The following SMOC1 variants were observed in gnomAD, a reference collection of about 807,000 sequenced individuals.
The protein encoded by SMOC1 is SPARC-related modular calcium-binding protein 1.
A neutral mutation model predicts 56.3 loss-of-function variants in SMOC1; 22 were observed. The ratio of observed to expected loss-of-function variants is 0.39; its 90% confidence interval spans 0.28 to 0.56. The LOEUF (loss-of-function observed/expected upper bound fraction) is 0.56. SMOC1 is among the 20% of genes least tolerant of loss of function. The pLI is 0.61. For missense variants in SMOC1, 509 were observed against 565.4 expected (o/e 0.90, Z 1.01); for synonymous variants, 193 against 215.0 (o/e 0.90, Z 0.89).
At chr14:69,980,027 C>T (rs541738874) in intron 5 of SMOC1, among the ~76,000 whole-genome samples, 1 of 152,186 alleles carries the variant, frequency 6.6e-6, no homozygotes, top group Non-Finnish European at 1.5e-5. Context: ...CAGACAGACC[C>T]ATGGTCATCC....
At chr14:70,010,218 G>A (rs979586585) in intron 7 of SMOC1, among the ~76,000 whole-genome samples, 5 of 152,224 alleles carry the variant, frequency 3.3e-5, no homozygotes, top group African/African-American at 1.2e-4. Flanking sequence ...AGAAGCCAAG[G>A]CTGGACCTTG....
intron 1 of SMOC1, among the ~76,000 whole-genome samples, chr14:69,943,210 T>C (rs1882638447): frequency 1.3e-5 from 2 of 152,172 alleles, no homozygotes; most frequent in South Asian, 4.1e-4. Context: ...TAATCGGGCA[T>C]GCTGCTGTCA....
In SMOC1 at chr14:69,952,279, G is replaced by A. The variant is rs752951447; in HGVS notation, c.241G>A (p.Val81Met). The A allele has an allele frequency of 3.3e-5, 53 of 1,614,058 alleles. No homozygotes were observed. The highest frequency in any genetic ancestry group is 1.2e-4 in the Admixed American group (7 of 60,008). Residue 81 changes from valine (V) to methionine (M), a missense_variant, in exon 2 of 12, where the codon GTG becomes ATG. By Grantham distance (21) the Val-to-Met change is conservative (BLOSUM62 1). Around this residue, in one of 3 missense-constraint regions of SMOC1, gnomAD observed 315 missense variants for 333.1 expected, o/e 0.95. Transcript: ENST00000361956. ...RAKCRDPTLG[V>M]VHRGRCKDAG... is the part of the protein sequence containing the mutation. Reference sequence around the variant, plus strand: ...CAAGTGCCGAGACCCGACCCTGGGCGTGGTGCATCGAGGTAGATGCAAAGG... The same window carrying A: ...CAAGTGCCGAGACCCGACCCTGGGCATGGTGCATCGAGGTAGATGCAAAGG...
At chr14:70,029,232 C>T (rs2139630698) in intron 11 of SMOC1, among the ~76,000 whole-genome samples, 1 of 152,322 alleles carries the variant, frequency 6.6e-6, no homozygotes, top group South Asian at 2.1e-4. Context: ...CACAATGGCT[C>T]AGCACCCTGT....
At chr14:69,995,676 A>G (rs1840265612) in intron 7 of SMOC1, among the ~76,000 whole-genome samples, 1 of 152,224 alleles carries the variant, frequency 6.6e-6, no homozygotes, top group African/African-American at 2.4e-5. Context: ...CCCTCAAAGG[A>G]CTATGGTTAA....
chr14:69,981,579 T>C (rs1884178964), intron 5 of SMOC1, among the ~76,000 whole-genome samples: 2 of 152,150 alleles, frequency 1.3e-5, no homozygotes, highest in African/African-American at 2.4e-5. Flanking sequence ...ATGTGTTTTA[T>C]GGATGCTACA....
At chr14:69,983,906 GT>G (rs1884272132) in intron 5 of SMOC1, among the ~76,000 whole-genome samples, 1 of 152,250 alleles carries the variant, frequency 6.6e-6, no homozygotes, top group Admixed American at 6.5e-5. Context: ...CCGAGGAACT[GT>G]CACTCTCAGG....
intron 4 of SMOC1, among the ~76,000 whole-genome samples, chr14:69,976,607 G>T (rs1207698780): frequency 6.6e-6 from 1 of 152,124 alleles, no homozygotes; most frequent in Non-Finnish European, 1.5e-5. Context: ...GTGGATTAGG[G>T]ATTTTTACAA....
intron 1 of SMOC1, among the ~76,000 whole-genome samples, chr14:69,921,152 G>C (rs898126239): frequency 6.6e-6 from 1 of 152,186 alleles, no homozygotes; most frequent in Non-Finnish European, 1.5e-5. Context: ...GATGCCTCCT[G>C]AGCATCGCCT....
chr14:69,980,030 G>A (rs1265738430), intron 5 of SMOC1, among the ~76,000 whole-genome samples: 1 of 152,190 alleles, frequency 6.6e-6, no homozygotes, highest in Non-Finnish European at 1.5e-5. Context: ...ACAGACCCAT[G>A]GTCATCCCAG....
chr14:69,895,016 A>T lies in SMOC1; in HGVS notation c.99+15239A>T, dbSNP rs192407124. 5.3e-5 allele frequency among the ~76,000 whole-genome samples: 8 copies of T among 152,278 alleles called. No individual in the cohort carries two copies. In the East Asian group the frequency reaches 1.5e-3, roughly 29 times the overall value. Reference sequence around the variant, plus strand: ...AGCCAGCTTCTAGATATGTCCCTTTATTGCTCTGTGCATGCCTTTTCCTTT... The same window carrying T: ...AGCCAGCTTCTAGATATGTCCCTTTTTTGCTCTGTGCATGCCTTTTCCTTT... On this transcript the variant is annotated intron_variant, in intron 1 of 11. Coordinates refer to ENST00000361956, the MANE Select transcript of SMOC1 (RefSeq NM_001034852.3).
chr14:69,941,359 T>C (rs1305950432), intron 1 of SMOC1, among the ~76,000 whole-genome samples: 2 of 152,212 alleles, frequency 1.3e-5, no homozygotes, highest in Non-Finnish European at 2.9e-5. Flanking sequence ...AGATGCCTAG[T>C]GTAGCACTCA....
At chr14:69,952,349 C>T in intron 2 of SMOC1, 46 bp downstream of exon 2, 1 of 1,607,438 alleles carries the variant, frequency 6.2e-7, no homozygotes, top group Admixed American at 1.7e-5. Flanking sequence ...TTCCTGGGCA[C>T]CCCAGCTCCC....
intron 4 of SMOC1, among the ~76,000 whole-genome samples, chr14:69,976,567 T>C (rs1883963779): frequency 6.6e-6 from 1 of 152,194 alleles, no homozygotes; most frequent in Non-Finnish European, 1.5e-5. Flanking sequence ...CATAGAGAAA[T>C]TGTGCTTTTT....
At chr14:70,006,916 C>T (rs1050123308) in intron 7 of SMOC1, among the ~76,000 whole-genome samples, 11 of 152,192 alleles carry the variant, frequency 7.2e-5, no homozygotes, top group African/African-American at 2.2e-4. Flanking sequence ...CTTGAGGCCT[C>T]GGCCTGACAC....
intron 3 of SMOC1, among the ~76,000 whole-genome samples, chr14:69,974,810 A>G (rs918873922): frequency 6.6e-6 from 1 of 152,170 alleles, no homozygotes; most frequent in South Asian, 2.1e-4. Context: ...AAGATCACAC[A>G]GTGGTGCAGC....
intron 1 of SMOC1, among the ~76,000 whole-genome samples, chr14:69,888,537 G>A (rs1883873224): frequency 6.6e-6 from 1 of 152,182 alleles, no homozygotes; most frequent in South Asian, 2.1e-4. Context: ...ACTGAGCAAA[G>A]TTCCATGAGG....
chr14:69,883,888 C>CCTTTTTTT (rs1566659816), intron 1 of SMOC1, among the ~76,000 whole-genome samples: 1 of 59,174 alleles, frequency 1.7e-5, no homozygotes, highest in African/African-American at 8.0e-5. Flanking sequence ...TGATGTTGAG[C>CCTTTTTTT]ATTTTTTTTT....
chr14:69,995,286 T>A (rs549474074), intron 7 of SMOC1, among the ~76,000 whole-genome samples: 37 of 152,328 alleles, frequency 2.4e-4, no homozygotes, highest in African/African-American at 8.2e-4. Context: ...GAGTGTCCTG[T>A]CATTGGTCCC....
Sources: allele counts gnomAD v4.1 joint callset (sites outside exome capture counted in the v4.1 genomes callset), GRCh38; gene constraint gnomAD v4.1.1; regional missense constraint gnomAD v4.1.1; transcripts MANE v1.5; gene names NCBI Gene and HGNC (gene_info 2026-07-23, HGNC 2026-07-21).